DLL4: variants seen among roughly 807,000 people sequenced by gnomAD.
DLL4 encodes the protein delta-like protein 4.
A neutral mutation model predicts 73.6 loss-of-function variants in DLL4; 7 were observed. That is an observed-to-expected ratio of 0.10 (90% CI 0.05 to 0.18). The LOEUF is 0.18. Among genes scored for constraint, DLL4 ranks in the 10% least tolerant of loss-of-function variants. DLL4 has a pLI of 1.00. For synonymous variants in DLL4, 345 were observed against 374.3 expected (o/e 0.92, Z 0.90); for missense variants, 614 against 929.9 (o/e 0.66, Z 4.42).
At chr15:40,932,590 T>A in intron 6 of DLL4, 143 bp downstream of exon 6, 2 of 1,168,454 alleles carry the variant, frequency 1.7e-6, no homozygotes, top group South Asian at 1.5e-5. Context: ...TTGGGTCTTT[T>A]AAGGATCTTT....
Position 40,936,903 on chromosome 15 carries a change from G to A in DLL4, c.1916G>A (p.Gly639Glu). 1 of 1,608,914 alleles carries A rather than the reference G, an allele frequency of 6.2e-7. No homozygotes were observed. Among genetic ancestry groups the A allele is most frequent in the Non-Finnish European group, 8.5e-7 (1 of 1,177,970 alleles). Residue 639 changes from glycine (G) to glutamate (E), a missense_variant, in exon 9 of 11, where the codon GGA becomes GAA. Physicochemically the swap from Gly to Glu is moderately conservative, Grantham distance 98. Around this residue, in one of 3 missense-constraint regions of DLL4, gnomAD observed 386 missense variants for 541.3 expected, o/e 0.71. Transcript: ENST00000249749. ...GKFPHSDKSL[G>E]EKAPLRLHSE... ...TTTCCCCACAGTGACAAGAGCTTAGGAGAGAAGGCGCCACTGCGGTTACAC... is the reference window on the plus strand; with the variant it reads ...TTTCCCCACAGTGACAAGAGCTTAGAAGAGAAGGCGCCACTGCGGTTACAC...
rs1415867669 is a variant in DLL4 at position 40,930,880 on chromosome 15, A to AT, written c.394+203dup. 1 of 621,280 alleles carries AT rather than the reference A, an allele frequency of 1.6e-6. No individual in the cohort carries two copies. Among genetic ancestry groups the AT allele is most frequent in the Non-Finnish European group, 2.8e-6 (1 of 358,244 alleles). 38.5% of individuals were successfully genotyped at this position (621,280 alleles called of 1,614,324 possible). On this transcript the variant is annotated intron_variant, in intron 3 of 10. Transcript: ENST00000249749. The surrounding 1 kb of genome is among the most constrained non-coding windows in gnomAD (Gnocchi z 5.7). ...AGCACAATTGCGTTTCCTGCGGGTTATTTTTGGCGTGGGAACGCGGGGAGT... is the reference window on the plus strand; with the variant it reads ...AGCACAATTGCGTTTCCTGCGGGTTATTTTTTGGCGTGGGAACGCGGGGAGT...
chr15:40,937,510 G>C lies in DLL4; in HGVS notation c.2036G>C (p.Cys679Ser). 1 of 1,611,308 alleles carries C rather than the reference G, an allele frequency of 6.2e-7. No individual in the cohort carries two copies. The highest frequency in any genetic ancestry group is 1.1e-5 in the South Asian group (1 of 91,028). The change falls in exon 10 of 11, where the codon TGT becomes TCT. Residue 679 changes from cysteine (C) to serine (S), a missense_variant. Physicochemically the swap from Cys to Ser is moderately radical, Grantham distance 112 (BLOSUM62 -1). Transcript: ENST00000249749. ...TTGATATCAGAGGAGAGGAATGAAT[G>C]TGTCATTGCCACGGAGGTGAGTGCT... Reference protein sequence around the residue: ...VCLISEERNECVIATEV With the variant: ...VCLISEERNESVIATEV
intron 6 of DLL4, 126 bp downstream of exon 6, chr15:40,932,573 A>G: frequency 1.6e-6 from 2 of 1,275,180 alleles, no homozygotes; most frequent in Non-Finnish European, 2.2e-6. Context: ...ATGATCTTCC[A>G]AGGATCTTGG....
chr15:40,930,139 G>A lies in DLL4; in HGVS notation c.336+23G>A. 1.2e-6 allele frequency: 2 copies of A among 1,600,350 alleles called. No individual in the cohort carries two copies. Among genetic ancestry groups the A allele is most frequent in the South Asian group, 1.1e-5 (1 of 89,272 alleles). ...CCGGTGAGCACAGCCTGGGCGCACT[G>A]GGAGGTCGCAGAAGCCGAGAGAGGA... is the stretch of plus-strand genomic sequence containing the variant. On this transcript the variant is annotated intron_variant, in intron 2 of 10. Transcript: ENST00000249749. This position sits in a 1 kb window ranked among gnomAD's most constrained non-coding sequence, Gnocchi z 5.7.
At chr15:40,932,097 G>A (rs1892778780) in intron 4 of DLL4, 74 bp from the exon 5 acceptor site, 2 of 1,562,238 alleles carry the variant, frequency 1.3e-6, no homozygotes, top group African/African-American at 2.7e-5. Context: ...GGGATCCCCA[G>A]GGCCAGCAGG....
In DLL4 at chr15:40,930,363, C is replaced by G. The variant is rs1456325669; in HGVS notation, c.336+247C>G. 5 of 639,940 alleles carry G rather than the reference C, an allele frequency of 7.8e-6. No individual in the cohort carries two copies. In the East Asian group the frequency reaches 1.4e-4, roughly 17 times the overall value. 39.6% of individuals were successfully genotyped at this position (639,940 alleles called of 1,614,324 possible). A position where few individuals can be genotyped will look rare whatever the true frequency, so the allele number is the denominator to read the frequency against. On this transcript the variant is annotated intron_variant, in intron 2 of 10. Transcript: ENST00000249749. This position sits in a 1 kb window ranked among gnomAD's most constrained non-coding sequence, Gnocchi z 5.7. ...CTTGGGACACGATTTTCATTACCTA[C>G]CACTCTGGGGCGGTACCCTACCACC...
Position 40,930,815 on chromosome 15 carries a change from C to T in DLL4, c.394+133C>T, listed in dbSNP as rs1430965897. The T allele has an allele frequency of 1.0e-5, 9 of 869,940 alleles. No homozygotes were observed. Among genetic ancestry groups the T allele is most frequent in the African/African-American group, 1.7e-5 (1 of 59,334 alleles). The allele number at this position is 869,940 out of a possible 1,614,324, so 53.9% of individuals were successfully genotyped here. On this transcript the variant is annotated intron_variant, in intron 3 of 10. Transcript: ENST00000249749. The surrounding 1 kb of genome is among the most constrained non-coding windows in gnomAD (Gnocchi z 5.7). ...CTTAGCTTGGCCTGGAGCTGCGCCC[C>T]GCGCTGGACGCTCGGATTCCGCTCG...
chr15:40,929,533 A>G lies in DLL4; in HGVS notation c.-136A>G. 1 of 806,058 alleles carries G rather than the reference A, an allele frequency of 1.2e-6. No homozygotes were observed. Among genetic ancestry groups the G allele is most frequent in the East Asian group, 2.9e-5 (1 of 34,902 alleles). The allele number at this position is 806,058 out of a possible 1,614,324, so 49.9% of individuals were successfully genotyped here. ...GGCAGCTGCAGCGGAGCCAGCGAGA[A>G]GGCCAAAGGGGAGCAGCGTCCCGAG... On this transcript the variant is annotated 5_prime_UTR_variant, in exon 1 of 11. Coordinates refer to ENST00000249749, the MANE Select transcript of DLL4 (RefSeq NM_019074.4). This position sits in a 1 kb window ranked among gnomAD's most constrained non-coding sequence, Gnocchi z 7.1.
chr15:40,936,440 G>A lies in DLL4; in HGVS notation c.1453G>A (p.Ala485Thr). Residue 485 changes from alanine (A) to threonine (T), a missense_variant, in exon 9 of 11, where the codon GCC becomes ACC. Physicochemically the swap from Ala to Thr is moderately conservative, Grantham distance 58. Transcript: ENST00000249749. ...GGTGCGGACATCCATCGATGCCTGT[G>A]CCTCGAGTCCCTGCTTCAACAGGGC... ...CEVRTSIDAC[A>T]SSPCFNRATC... 6.2e-7 allele frequency: 1 copy of A among 1,611,256 alleles called. No homozygotes were observed. Among genetic ancestry groups the A allele is most frequent in the South Asian group, 1.1e-5 (1 of 90,830 alleles).
At position 40,929,998 on chromosome 15, in the gene DLL4, C is replaced by A. The variant is rs751566523; in HGVS notation, c.218C>A (p.Pro73His). 2 of 1,613,040 alleles carry A rather than the reference C, an allele frequency of 1.2e-6. No individual in the cohort carries two copies. Reference sequence around the variant, plus strand: ...TTCCAGGCGGTCGTCTCGCCCGGACCCTGCACCTTCGGGACCGTCTCCACG... The same window carrying A: ...TTCCAGGCGGTCGTCTCGCCCGGACACTGCACCTTCGGGACCGTCTCCACG... ...KHFQAVVSPG[P>H]CTFGTVSTPV... Residue 73 changes from proline to histidine, a missense_variant, in exon 2 of 11, where the codon CCC (proline) becomes CAC (histidine). Around this residue, in one of 3 missense-constraint regions of DLL4, gnomAD observed 227 missense variants for 370.8 expected, o/e 0.61. Transcript: ENST00000249749. This position sits in a 1 kb window ranked among gnomAD's most constrained non-coding sequence, Gnocchi z 7.1.
rs142245426 is a variant in DLL4, at chr15:40,935,783, G to A, written c.1241-445G>A. Among the ~76,000 whole-genome samples, 269 of 152,326 alleles carry A rather than the reference G, an allele frequency of 1.8e-3. 4 individuals carry two copies. The highest frequency in any genetic ancestry group is 5.5e-3 in the African/African-American group (228 of 41,574). ...GTGGTTGTGAAGATGAAGTAAAACA[G>A]TCATGATTGTACTTATCCGAGCATT... On this transcript the variant is annotated intron_variant, in intron 8 of 10. Coordinates refer to ENST00000249749, the MANE Select transcript of DLL4 (RefSeq NM_019074.4).
Position 40,930,864 on chromosome 15 carries a change from G to A in DLL4, c.394+182G>A. 1 of 639,960 alleles carries A rather than the reference G, an allele frequency of 1.6e-6. No individual in the cohort carries two copies. Among genetic ancestry groups the A allele is most frequent in the Non-Finnish European group, 2.7e-6 (1 of 372,292 alleles). 39.6% of individuals were successfully genotyped at this position (639,960 alleles called of 1,614,324 possible). On this transcript the variant is annotated intron_variant, in intron 3 of 10. Coordinates refer to ENST00000249749, the MANE Select transcript of DLL4 (RefSeq NM_019074.4). The surrounding 1 kb of genome is among the most constrained non-coding windows in gnomAD (Gnocchi z 5.7). ...CGCTGCCTGGACTCAGAGCACAATT[G>A]CGTTTCCTGCGGGTTATTTTTGGCG...
chr15:40,931,588 A>T lies in DLL4; in HGVS notation c.480A>T (p.Gln160His), dbSNP rs982417777. The stretch of plus-strand genomic sequence containing the variant: ...GTCAGAACTGGTTATTGGATGAGCA[A>T]ACCAGCACCCTCACAAGGCTGCGCT... ...AVGQNWLLDE[Q>H]TSTLTRLRYS... is the part of the protein sequence containing the mutation. The change falls in exon 4 of 11, where the codon CAA becomes CAT. Residue 160 changes from glutamine to histidine, a missense_variant. By Grantham distance (24) the Gln-to-His change is conservative. Coordinates refer to ENST00000249749, the MANE Select transcript of DLL4 (RefSeq NM_019074.4). 3 of 1,612,732 alleles carry T rather than the reference A, an allele frequency of 1.9e-6. No individual in the cohort carries two copies. The highest frequency in any genetic ancestry group is 2.5e-6 in the Non-Finnish European group (3 of 1,179,424).
intron 10 of DLL4, among the ~76,000 whole-genome samples, 196 bp from the exon 11 acceptor site, chr15:40,937,833 T>G (rs1596195872): frequency 6.6e-6 from 1 of 152,162 alleles, no homozygotes; most frequent in Non-Finnish European, 1.5e-5. Context: ...CCCTTCCCAC[T>G]GGCTTCCTCC....
Position 40,930,770 on chromosome 15 carries a change from TG to T in DLL4, c.394+93del, listed in dbSNP as rs1233409255. 3 of 1,222,418 alleles carry T rather than the reference TG, an allele frequency of 2.5e-6. No homozygotes were observed. The African/African-American group carries it at 4.5e-5, about 18-fold the overall frequency. 75.7% of individuals were successfully genotyped at this position (1,222,418 alleles called of 1,614,324 possible). On this transcript the variant is annotated intron_variant, in intron 3 of 10. Coordinates refer to ENST00000249749, the MANE Select transcript of DLL4 (RefSeq NM_019074.4). The surrounding 1 kb of genome is among the most constrained non-coding windows in gnomAD (Gnocchi z 5.7). The stretch of plus-strand genomic sequence containing the variant: ...GTTCTAGGCGGGGGAAGTGCGGGCT[TG>T]GGGGTGGGAGGCAGGACGCTTAGCT...
intron 4 of DLL4, 82 bp from the exon 5 acceptor site, chr15:40,932,089 G>A: frequency 6.6e-7 from 1 of 1,523,736 alleles, no homozygotes; most frequent in South Asian, 1.2e-5. Flanking sequence ...AGAGCTAGGG[G>A]ATCCCCAGGG....
In DLL4 at chr15:40,931,736, C is replaced by A. The variant is rs1203945452; in HGVS notation, c.628C>A (p.Pro210Thr). Residue 210 changes from proline (P) to threonine (T), a missense_variant, in exon 4 of 11, where the codon CCC becomes ACC. Coordinates refer to ENST00000249749, the MANE Select transcript of DLL4 (RefSeq NM_019074.4). The stretch of plus-strand genomic sequence containing the variant: ...GCCAGATGGCAACTTGTCCTGCCTG[C>A]CCGGTTGGACTGGGGAATATTGCCA... ...CQPDGNLSCLPGWTGEYCQQP... is the reference protein window; with the variant it reads ...CQPDGNLSCLTGWTGEYCQQP... 1 of 1,613,782 alleles carries A rather than the reference C, an allele frequency of 6.2e-7. No homozygotes were observed. The highest frequency in any genetic ancestry group is 1.7e-5 in the Admixed American group (1 of 60,022).
chr15:40,938,186 C>A lies in DLL4; in HGVS notation c.*152C>A. 1.2e-6 allele frequency: 1 copy of A among 851,540 alleles called. No homozygotes were observed. The highest frequency in any genetic ancestry group is 1.7e-6 in the Non-Finnish European group (1 of 594,950). The allele number at this position is 851,540 out of a possible 1,614,324, so 52.7% of individuals were successfully genotyped here. A position where few individuals can be genotyped will look rare whatever the true frequency, so the allele number is the denominator to read the frequency against. On this transcript the variant is annotated 3_prime_UTR_variant, in exon 11 of 11. Coordinates refer to ENST00000249749, the MANE Select transcript of DLL4 (RefSeq NM_019074.4). ...TGGCAGGAACCGGACAGACTGTGAA[C>A]TTGCCAAGAGATGCAATACCCTTCC...
Sources: gnomAD v4.1 joint callset for allele counts (sites outside exome capture counted in the v4.1 genomes callset) on GRCh38, gnomAD v4.1.1 for gene constraint, gnomAD v4.1.1 regional missense constraint, Gnocchi (gnomAD v3.1) non-coding constraint, MANE v1.5 for transcripts, NCBI Gene and HGNC (gene_info 2026-07-23, HGNC 2026-07-21) for gene names.